Variants in GRM4 observed in about 807,000 individuals in gnomAD.
GRM4 encodes the protein metabotropic glutamate receptor 4.
A neutral mutation model predicts 81.7 loss-of-function variants in GRM4; 28 were observed. The observed-to-expected ratio is 0.34, with a 90% CI of 0.25 to 0.47. The LOEUF (loss-of-function observed/expected upper bound fraction) is 0.47. Ranked by LOEUF, GRM4 falls within the 20% of genes least tolerant of loss-of-function variation. GRM4 has a pLI of 1.00. For synonymous variants in GRM4, 488 were observed against 528.8 expected (o/e 0.92, Z 1.06); for missense variants, 948 against 1,290.0 (o/e 0.73, Z 4.06).
rs1768165058 is a variant in GRM4 at position 34,090,842 on chromosome 6, G to C, written c.736+1041C>G. Among the ~76,000 whole-genome samples the C allele has an allele frequency of 6.6e-6, 1 of 152,206 alleles. No homozygotes were observed. The highest frequency in any genetic ancestry group is 6.5e-5 in the Admixed American group (1 of 15,284). On this transcript the variant is annotated intron_variant, in intron 3 of 10. Transcript: ENST00000538487. The surrounding 1 kb of genome is among the most constrained non-coding windows in gnomAD (Gnocchi z 5.2). ...TAAATATACAGACGCCATCACCCAA[G>C]GTCTCGGGCACTGGTGAGCTGTGTA...
chr6:34,099,678 G>A lies in GRM4; in HGVS notation c.520-7579C>T, dbSNP rs575311477. ...CCCAGACAGCTTGGGACAGCCCCAC[G>A]GAGGCCTCACACACCCACGCCCTCC... On this transcript the variant is annotated intron_variant, in intron 2 of 10. Coordinates refer to ENST00000538487, the MANE Select transcript of GRM4 (RefSeq NM_000841.4). Among the ~76,000 whole-genome samples, 22 of 152,220 alleles carry A rather than the reference G, an allele frequency of 1.4e-4. No homozygotes were observed. The South Asian group carries it at 2.3e-3, about 16-fold the overall frequency.
chr6:34,050,376 C>T (rs778109529), intron 6 of GRM4, among the ~76,000 whole-genome samples: 7 of 152,134 alleles, frequency 4.6e-5, no homozygotes, highest in Admixed American at 2.0e-4. Flanking sequence ...ATCATGGGGG[C>T]GGATTCCTCA....
intron 10 of GRM4, chr6:34,024,456 A>G (rs1215893850): frequency 3.1e-6 from 1 of 324,418 alleles, no homozygotes; most frequent in East Asian, 7.6e-5. Flanking sequence ...AGCAACAAAC[A>G]TCTGTCTGAT....
rs1769369494 is a variant in GRM4 at position 34,111,227 on chromosome 6, G to A, written c.520-19128C>T. The stretch of plus-strand genomic sequence containing the variant: ...AGGCAAGAACACTTCAGGCACATGG[G>A]TGCACTGAGCATCCCTAGACACCCC... On this transcript the variant is annotated intron_variant, in intron 2 of 10. Transcript: ENST00000538487. This position sits in a 1 kb window ranked among gnomAD's most constrained non-coding sequence, Gnocchi z 5.1. Among the ~76,000 whole-genome samples the A allele has an allele frequency of 6.6e-6, 1 of 150,550 alleles. No homozygotes were observed.
intron 2 of GRM4, among the ~76,000 whole-genome samples, chr6:34,120,863 G>A (rs1769783380): frequency 6.6e-6 from 1 of 152,172 alleles, no homozygotes. Flanking sequence ...CAAAGTGCTT[G>A]GATTACAGGC....
intron 1 of GRM4, among the ~76,000 whole-genome samples, chr6:34,151,966 A>G (rs1487364288): frequency 1.3e-5 from 2 of 152,012 alleles, no homozygotes; most frequent in Non-Finnish European, 1.5e-5. Context: ...GGAGTGAGAA[A>G]TGCTTTTCAA....
chr6:34,020,890 GC>G lies in GRM4; in HGVS notation c.*1930del. The stretch of plus-strand genomic sequence containing the variant: ...CACTCTCATACTCTGTCCCTGCGTG[GC>G]CCCCTGCCTAGGGTTCCTCCAGTCC... On this transcript the variant is annotated 3_prime_UTR_variant, in exon 11 of 11. Coordinates refer to ENST00000538487, the MANE Select transcript of GRM4 (RefSeq NM_000841.4). The G allele has an allele frequency of 6.6e-6, 1 of 152,382 alleles. No individual in the cohort carries two copies. The highest frequency in any genetic ancestry group is 1.5e-5 in the Non-Finnish European group (1 of 68,118). 9.4% of individuals were successfully genotyped at this position (152,382 alleles called of 1,614,324 possible). A position where few individuals can be genotyped will look rare whatever the true frequency, so the allele number is the denominator to read the frequency against.
rs1365671917 is a variant in GRM4, at chr6:34,047,482, A to C, written c.1169-6734T>G. 1.3e-5 allele frequency among the ~76,000 whole-genome samples: 2 copies of C among 152,030 alleles called. No individual in the cohort carries two copies. Among genetic ancestry groups the C allele is most frequent in the Non-Finnish European group, 1.5e-5 (1 of 68,016 alleles). On this transcript the variant is annotated intron_variant, in intron 6 of 10. Transcript: ENST00000538487. This position sits in a 1 kb window ranked among gnomAD's most constrained non-coding sequence, Gnocchi z 4.5. ...ATCCCACAAGCCCCCAAATTCCCAG[A>C]AGTCACCAGCCAGGATCTCCCTGGC...
At chr6:34,139,765 T>A (rs1770602568) in intron 1 of GRM4, among the ~76,000 whole-genome samples, 1 of 152,180 alleles carries the variant, frequency 6.6e-6, no homozygotes, top group Non-Finnish European at 1.5e-5. Flanking sequence ...GTGCGCCCGG[T>A]CCAGAGTGGC....
chr6:34,082,272 AAAAT>A (rs905621004), intron 3 of GRM4, among the ~76,000 whole-genome samples: 3 of 152,212 alleles, frequency 2.0e-5, no homozygotes, highest in East Asian at 1.9e-4. Flanking sequence ...CAAATATATC[AAAAT>A]AAATAAATAA....
intron 10 of GRM4, among the ~76,000 whole-genome samples, chr6:34,023,103 C>T (rs367753881): frequency 1.3e-5 from 2 of 152,330 alleles, no homozygotes; most frequent in African/African-American, 4.8e-5. Flanking sequence ...GCCCATGTTT[C>T]GCACCTCCAC....
chr6:34,058,878 GGAAA>G, intron 5 of GRM4, 92 bp downstream of exon 5: 2 of 945,026 alleles, frequency 2.1e-6, no homozygotes, highest in South Asian at 3.1e-5. Flanking sequence ...GGAAGGATAT[GGAAA>G]GAGGCGGAGC....
chr6:34,106,491 C>T (rs187733120), intron 2 of GRM4, among the ~76,000 whole-genome samples: 117 of 152,220 alleles, frequency 7.7e-4, no homozygotes, highest in African/African-American at 2.8e-3. Context: ...TCAATGGCTC[C>T]CAAGGCCTCT....
intron 2 of GRM4, among the ~76,000 whole-genome samples, chr6:34,107,600 C>G (rs1769188446): frequency 6.6e-6 from 1 of 152,136 alleles, no homozygotes; most frequent in Admixed American, 6.5e-5. Flanking sequence ...ACGCTGACAC[C>G]TGGAAGAGAG....
At chr6:34,113,701 AGAG>A (rs1769478488) in intron 2 of GRM4, among the ~76,000 whole-genome samples, 2 of 152,178 alleles carry the variant, frequency 1.3e-5, no homozygotes, top group African/African-American at 4.8e-5. Context: ...GGGAGGAGTG[AGAG>A]GAGAAGGGAG....
rs757198817 is a variant in GRM4 at position 34,028,197 on chromosome 6, T to C, written c.2612A>G (p.Asn871Ser). 2 of 1,614,014 alleles carry C rather than the reference T, an allele frequency of 1.2e-6. No homozygotes were observed. The highest frequency in any genetic ancestry group is 1.1e-5 in the South Asian group (1 of 91,086). The change falls in exon 10 of 11, where the codon AAC (asparagine) becomes AGC (serine). Residue 871 changes from asparagine to serine, a missense_variant. Physicochemically the swap from Asn to Ser is conservative, Grantham distance 46. Coordinates refer to ENST00000538487, the MANE Select transcript of GRM4 (RefSeq NM_000841.4). ...GAAGTTGCCCTTCTGCGTGAACTTGTTGGACATGGTGGCCGCCGTAACGAC... is the reference window on the plus strand; with the variant it reads ...GAAGTTGCCCTTCTGCGTGAACTTGCTGGACATGGTGGCCGCCGTAACGAC... ...KAVVTAATMS[N>S]KFTQKGNFRP...
intron 9 of GRM4, 119 bp from the exon 10 acceptor site, chr6:34,028,485 G>GT: frequency 8.9e-7 from 1 of 1,126,466 alleles, no homozygotes. Context: ...GAAGGAAGTC[G>GT]TGGCTTGGAG....
chr6:34,120,640 GT>G (rs1439776407), intron 2 of GRM4, among the ~76,000 whole-genome samples: 1 of 152,116 alleles, frequency 6.6e-6, no homozygotes, highest in Non-Finnish European at 1.5e-5. Context: ...CCTTTGTCAG[GT>G]CCCCAGCTCC....
rs1461369208 is a variant in GRM4, at chr6:34,074,805, C to T, written c.737-12777G>A. Among the ~76,000 whole-genome samples the T allele has an allele frequency of 6.6e-6, 1 of 152,160 alleles. No individual in the cohort carries two copies. The highest frequency in any genetic ancestry group is 2.4e-5 in the African/African-American group (1 of 41,438). On this transcript the variant is annotated intron_variant, in intron 3 of 10. Transcript: ENST00000538487. The surrounding 1 kb of genome is among the most constrained non-coding windows in gnomAD (Gnocchi z 4.9). ...CGTGGTGTTTGGAGGCAGATGGTGGCAGGAGGGGCCTGGATGGGGCAGGAC... is the reference window on the plus strand; with the variant it reads ...CGTGGTGTTTGGAGGCAGATGGTGGTAGGAGGGGCCTGGATGGGGCAGGAC...
Sources: allele counts gnomAD v4.1 joint callset (sites outside exome capture counted in the v4.1 genomes callset), GRCh38; gene constraint gnomAD v4.1.1; non-coding constraint Gnocchi (gnomAD v3.1); transcripts MANE v1.5; gene names NCBI Gene and HGNC (gene_info 2026-07-23, HGNC 2026-07-21).